GDA: variants seen among roughly 807,000 people sequenced by gnomAD.
The protein encoded by GDA is guanine deaminase, also known as cytoplasmic PSD-95 interactor.
A neutral mutation model predicts 59.6 loss-of-function variants in GDA; 18 were observed. The ratio of observed to expected loss-of-function variants is 0.30; its 90% CI spans 0.21 to 0.45. GDA has a LOEUF of 0.45. GDA is among the 20% of genes least tolerant of loss of function. The pLI, the probability that GDA is intolerant of heterozygous loss-of-function variation, is 1.00. For synonymous variants in GDA, 201 were observed against 201.1 expected, an observed-to-expected ratio of 1.00 and a Z score of 0.00; for missense variants, 427 against 552.3, an observed-to-expected ratio of 0.77 and a Z score of 2.27.
At chr9:72,168,645 G>C (rs1001787137) in intron 1 of GDA, among the ~76,000 whole-genome samples, 7 of 151,944 alleles carry the variant, frequency 4.6e-5, no homozygotes, top group Non-Finnish European at 8.8e-5. Flanking sequence ...TGCCCACCTT[G>C]GCCTCCCAAA....
chr9:72,186,868 G>A (rs758690197), intron 1 of GDA, among the ~76,000 whole-genome samples: 4 of 151,956 alleles, frequency 2.6e-5, no homozygotes, highest in Non-Finnish European at 4.4e-5. Flanking sequence ...TGAAATCTTC[G>A]CTGATCACAC....
intron 4 of GDA, among the ~76,000 whole-genome samples, chr9:72,213,066 C>A (rs142854917): frequency 6.6e-6 from 1 of 152,050 alleles, no homozygotes; most frequent in South Asian, 2.1e-4. Flanking sequence ...GTCAGGAGAT[C>A]GAACCATCCT....
chr9:72,254,227 C>A (rs1840836675), downstream of GDA, among the ~76,000 whole-genome samples: 1 of 152,124 alleles, frequency 6.6e-6, no homozygotes. Context: ...ATCTCCAGCC[C>A]TGCCCTAACC....
chr9:72,184,244 G>C (rs1416060812), intron 1 of GDA, among the ~76,000 whole-genome samples: 1 of 151,960 alleles, frequency 6.6e-6, no homozygotes, highest in Admixed American at 6.6e-5. Context: ...TTTATACTAG[G>C]GCTCACTCTT....
chr9:72,171,802 A>G (rs570923858), intron 1 of GDA, among the ~76,000 whole-genome samples: 1 of 152,278 alleles, frequency 6.6e-6, no homozygotes, highest in South Asian at 2.1e-4. Context: ...CATATTTCTA[A>G]AAGTGAAATT....
At chr9:72,184,554 A>G (rs1370520289) in intron 1 of GDA, among the ~76,000 whole-genome samples, 2 of 152,128 alleles carry the variant, frequency 1.3e-5, no homozygotes. Context: ...TTTATTACTG[A>G]ATAATATTCC....
intron 10 of GDA, among the ~76,000 whole-genome samples, chr9:72,238,001 A>G (rs946117676): frequency 3.9e-5 from 6 of 152,106 alleles, no homozygotes; most frequent in African/African-American, 1.2e-4. Flanking sequence ...AAAGAATCAC[A>G]ATGAAAATCT....
chr9:72,169,980 G>T (rs1461121873), intron 1 of GDA, among the ~76,000 whole-genome samples: 1 of 152,142 alleles, frequency 6.6e-6, no homozygotes, highest in East Asian at 1.9e-4. Context: ...CCAGGAGGAG[G>T]TGTTCTCTCT....
chr9:72,250,168 C>G lies in GDA; in HGVS notation c.*1826C>G. 2 of 984,476 alleles carry G rather than the reference C, an allele frequency of 2.0e-6. No homozygotes were observed. Among genetic ancestry groups the G allele is most frequent in the Non-Finnish European group, 2.4e-6 (2 of 829,114 alleles). The allele number at this position is 984,476 out of a possible 1,614,324, so 61.0% of individuals were successfully genotyped here. On this transcript the variant is annotated 3_prime_UTR_variant, in exon 14 of 14. Transcript: ENST00000358399. ...AAAATCTTCAGCTTTATCACTCAAC[C>G]CCTGCCAAAGGAACTTGATTACATG...
At chr9:72,247,073 T>C (rs1266902549) in intron 12 of GDA, among the ~76,000 whole-genome samples, 1 of 152,194 alleles carries the variant, frequency 6.6e-6, no homozygotes, top group East Asian at 1.9e-4. Context: ...TTGGATGAGC[T>C]TGTCTTACAT....
chr9:72,161,751 C>T (rs1828655689), intron 1 of GDA, among the ~76,000 whole-genome samples: 1 of 152,196 alleles, frequency 6.6e-6, no homozygotes, highest in South Asian at 2.1e-4. Flanking sequence ...ATGGTAGACC[C>T]TCCATAAGCA....
rs531548507 is a variant in GDA, at chr9:72,248,746, C to T, written c.*404C>T. ...AAAAATTAGAAGACTGAAAATGGACCCATGAGAGTATATTTTTATGAGGGA... is the reference window on the plus strand; with the variant it reads ...AAAAATTAGAAGACTGAAAATGGACTCATGAGAGTATATTTTTATGAGGGA... On this transcript the variant is annotated 3_prime_UTR_variant, in exon 14 of 14. Transcript: ENST00000358399. 39 of 996,830 alleles carry T rather than the reference C, an allele frequency of 3.9e-5. No homozygotes were observed. The South Asian group carries it at 1.6e-3, about 41-fold the overall frequency. The allele number at this position is 996,830 out of a possible 1,614,324, so 61.7% of individuals were successfully genotyped here.
At chr9:72,256,615 A>C (rs1422810977), downstream of GDA, among the ~76,000 whole-genome samples, 2 of 152,256 alleles carry the variant, frequency 1.3e-5, no homozygotes, top group Non-Finnish European at 2.9e-5. Flanking sequence ...AGCGTTCAGC[A>C]TGAGCAATAG....
chr9:72,256,290 T>G (rs1000750321), downstream of GDA, among the ~76,000 whole-genome samples: 1 of 152,228 alleles, frequency 6.6e-6, no homozygotes, highest in African/African-American at 2.4e-5. Flanking sequence ...TCAACATTCA[T>G]TTAAGCAACA....
downstream of GDA, among the ~76,000 whole-genome samples, chr9:72,255,902 CTCACATTCCCTAGAAAATTT>C: frequency 1.3e-5 from 2 of 152,256 alleles, no homozygotes; most frequent in Middle Eastern, 6.8e-3. Flanking sequence ...CATGATGAGA[CTCACATTCCCTAGAAAATTT>C]TCACATTCCC....
In GDA at chr9:72,195,538, G is replaced by A. The variant is rs750836414; in HGVS notation, c.162G>A (p.Leu54=). The change falls in exon 2 of 14, where the codon CTG becomes CTA. Residue 54 remains leucine (L), a synonymous_variant. Transcript: ENST00000358399. ...FLEEASQQEK[L]AKEWCFKPCE... is the part of the protein sequence containing the mutation. Reference sequence around the variant, plus strand: ...AAGAAGCATCTCAACAGGAAAAACTGGCCAAAGAATGGTGCTTCAAGCCGT... The same window carrying A: ...AAGAAGCATCTCAACAGGAAAAACTAGCCAAAGAATGGTGCTTCAAGCCGT... 1 of 1,579,256 alleles carries A rather than the reference G, an allele frequency of 6.3e-7. No individual in the cohort carries two copies.
intron 11 of GDA, among the ~76,000 whole-genome samples, chr9:72,244,751 G>A (rs1293356253): frequency 6.6e-6 from 1 of 152,156 alleles, no homozygotes; most frequent in African/African-American, 2.4e-5. Flanking sequence ...AAAAAAGCAA[G>A]GCAAGGAGTT....
intron 3 of GDA, 112 bp downstream of exon 3, chr9:72,202,854 A>T (rs752036338): frequency 2.5e-6 from 2 of 796,230 alleles, no homozygotes; most frequent in Non-Finnish European, 4.0e-6. Flanking sequence ...AAGATGGGCC[A>T]TAGAGAATTT....
intron 1 of GDA, among the ~76,000 whole-genome samples, chr9:72,183,313 A>T: frequency 6.6e-6 from 1 of 152,094 alleles, no homozygotes; most frequent in East Asian, 1.9e-4. Context: ...AGCCTTGCCC[A>T]TTCCACCTGC....
Sources: allele counts gnomAD v4.1 joint callset (sites outside exome capture counted in the v4.1 genomes callset), GRCh38; gene constraint gnomAD v4.1.1; transcripts MANE v1.5; gene names NCBI Gene and HGNC (gene_info 2026-07-23, HGNC 2026-07-21).